Variants in FARP2 observed in about 807,000 individuals in gnomAD.
FARP2 encodes FERM, ARHGEF and pleckstrin domain-containing protein 2.
Under a neutral mutation model 130.5 loss-of-function variants are expected in FARP2, and 111 were observed. The observed-to-expected ratio is 0.85, with a 90% CI of 0.73 to 1.00. The LOEUF (loss-of-function observed/expected upper bound fraction) is 1.00, where lower values mean the gene tolerates loss of function less well. Among genes scored for constraint, FARP2 ranks in the 50% least tolerant of loss-of-function variants. The pLI is 0.00. For missense variants in FARP2, 1,385 were observed against 1,346.3 expected (o/e 1.03, Z -0.45); for synonymous variants, 504 against 516.9 (o/e 0.98, Z 0.34).
rs7608296 is a variant in FARP2, at chr2:241,407,117, T to C, written c.332-420T>C. Among the ~76,000 whole-genome samples, 11 of 152,366 alleles carry C rather than the reference T, an allele frequency of 7.2e-5. 1 individual carries two copies. Among genetic ancestry groups the C allele is most frequent in the African/African-American group, 2.6e-4 (11 of 41,584 alleles). ...GCCACCGCGCCCAGCCCTACTTGTT[T>C]TTAAGGCTTCCTTGAGTAATCCCTG... is the stretch of plus-strand genomic sequence containing the variant. On this transcript the variant is annotated intron_variant, in intron 4 of 26. Coordinates refer to ENST00000264042, the MANE Select transcript of FARP2 (RefSeq NM_014808.4).
chr2:241,484,809 A>G (rs986117020), intron 21 of FARP2, among the ~76,000 whole-genome samples: 6 of 152,184 alleles, frequency 3.9e-5, no homozygotes, highest in Admixed American at 3.9e-4. Flanking sequence ...TTTGTGTTCA[A>G]TAGAAATACT....
intron 2 of FARP2, among the ~76,000 whole-genome samples, chr2:241,394,433 G>A (rs1438551255): frequency 6.6e-6 from 1 of 151,562 alleles, no homozygotes; most frequent in Non-Finnish European, 1.5e-5. Context: ...CAGGAGAATG[G>A]CATGAATCCA....
At chr2:241,438,265 G>T (rs550817903) in intron 12 of FARP2, among the ~76,000 whole-genome samples, 1 of 152,138 alleles carries the variant, frequency 6.6e-6, no homozygotes, top group East Asian at 1.9e-4. Flanking sequence ...TATATTAAAG[G>T]TCATGTGAAC....
At chr2:241,466,189 G>A (rs1007426689) in intron 17 of FARP2, 47 of 985,258 alleles carry the variant, frequency 4.8e-5, no homozygotes, top group South Asian at 1.4e-4. Flanking sequence ...ACCCCCTCAC[G>A]GGGCATAAGG....
Position 241,494,094 on chromosome 2 carries a change from T to G in FARP2, c.3134T>G (p.Leu1045Arg). 2.0e-6 allele frequency: 3 copies of G among 1,470,982 alleles called. No individual in the cohort carries two copies. In the East Asian group the frequency reaches 8.1e-5, roughly 40 times the overall value. 91.1% of individuals were successfully genotyped at this position (1,470,982 alleles called of 1,614,324 possible). A position where few individuals can be genotyped will look rare whatever the true frequency, so the allele number is the denominator to read the frequency against. Residue 1045 changes from leucine to arginine, a missense_variant, in exon 27 of 27, where the codon CTG becomes CGG. Transcript: ENST00000264042. This position sits in a 1 kb window ranked among gnomAD's most constrained non-coding sequence, Gnocchi z 4.9. ...GATGGCCCCCAACCCTCCTCAGGGC[T>G]GGAGGGGATGGTCAGGGGGAAGGAG... ...VQDGPQPSSG[L>R]EGMVRGKEE
rs1484476213 is a variant in FARP2, at chr2:241,491,513, C to G, written c.2624-3C>G. The G allele has an allele frequency of 6.2e-7, 1 of 1,613,226 alleles. No homozygotes were observed. Among genetic ancestry groups the G allele is most frequent in the South Asian group, 1.1e-5 (1 of 91,072 alleles). On this transcript the variant is annotated splice_polypyrimidine_tract_variant and splice_region_variant and intron_variant, in intron 23 of 26. Transcript: ENST00000264042. ...CCCTGAGACGCTGCTGACTTCTCCC[C>G]AGGATCCCCCAACGAGGTATCTCTG...
In FARP2 at chr2:241,487,834, A is replaced by G. The variant is rs1192604125; in HGVS notation, c.2422-2128A>G. Reference sequence around the variant, plus strand: ...GCCATCTTGGCTCTCTGCAAGCTCCACCTCCCGGGTTCACGCCATTCTCCT... The same window carrying G: ...GCCATCTTGGCTCTCTGCAAGCTCCGCCTCCCGGGTTCACGCCATTCTCCT... On this transcript the variant is annotated intron_variant, in intron 21 of 26. Transcript: ENST00000264042. Among the ~76,000 whole-genome samples, 7 of 127,234 alleles carry G rather than the reference A, an allele frequency of 5.5e-5. No individual in the cohort carries two copies. The East Asian group carries it at 1.5e-3, about 26-fold the overall frequency. 83.5% of individuals were successfully genotyped at this position (127,234 alleles called of 152,430 possible).
chr2:241,362,400 A>G (rs1238690328), intron 1 of FARP2, among the ~76,000 whole-genome samples: 1 of 151,888 alleles, frequency 6.6e-6, no homozygotes, highest in Non-Finnish European at 1.5e-5. Flanking sequence ...TCAGGAGATC[A>G]AGGTCATCCT....
chr2:241,363,555 A>G (rs531451112), intron 1 of FARP2, among the ~76,000 whole-genome samples: 5 of 152,388 alleles, frequency 3.3e-5, no homozygotes, highest in South Asian at 2.1e-4. Flanking sequence ...TATAGGCTCA[A>G]CACTGAGCTA....
Position 241,430,999 on chromosome 2 carries a change from CA to C in FARP2, c.772-668del, listed in dbSNP as rs566980078. On this transcript the variant is annotated intron_variant, in intron 8 of 26. Transcript: ENST00000264042. Reference sequence around the variant, plus strand: ...TAGGTGATAGAGTGAGACTCTGTCTCAAAAAAAAAAAAGAAAAAAAGTGCAA... The same window carrying C: ...TAGGTGATAGAGTGAGACTCTGTCTCAAAAAAAAAAAGAAAAAAAGTGCAA... Among the ~76,000 whole-genome samples, 961 of 127,468 alleles carry C rather than the reference CA, an allele frequency of 7.5e-3. 12 individuals are homozygous for C. The highest frequency in any genetic ancestry group is 0.022 in the African/African-American group (758 of 34,456). The allele number at this position is 127,468 out of a possible 152,430, so 83.6% of individuals were successfully genotyped here.
chr2:241,384,963 CAT>C (rs1171385403), intron 2 of FARP2, among the ~76,000 whole-genome samples: 1 of 152,112 alleles, frequency 6.6e-6, no homozygotes, highest in African/African-American at 2.4e-5. Flanking sequence ...ATAATAGAAA[CAT>C]GTCCTAAATT....
chr2:241,493,179 G>A (rs2064993121), intron 25 of FARP2, 114 bp from the exon 26 acceptor site: 1 of 1,301,938 alleles, frequency 7.7e-7, no homozygotes, highest in Non-Finnish European at 1.1e-6. Context: ...AGGGAAACTG[G>A]CTCCCTTGGC....
chr2:241,493,928 G>A (rs2065030244), intron 26 of FARP2, 80 bp from the exon 27 acceptor site: 5 of 897,888 alleles, frequency 5.6e-6, no homozygotes, highest in South Asian at 2.9e-5. Flanking sequence ...TGTCCTGCTT[G>A]TCCCATATCC....
intron 22 of FARP2, 141 bp from the exon 23 acceptor site, chr2:241,490,920 G>A (rs1190201335): frequency 1.4e-6 from 1 of 702,984 alleles, no homozygotes; most frequent in African/African-American, 1.8e-5. Context: ...CGCTGGAGGG[G>A]ACACGTTTCC....
At position 241,492,660 on chromosome 2, in the gene FARP2, T is replaced by C. The variant is rs573037623; in HGVS notation, c.2788-269T>C. The C allele has an allele frequency of 2.4e-4, 93 of 391,866 alleles. No homozygotes were observed. The South Asian group carries it at 3.7e-3, about 16-fold the overall frequency. 24.3% of individuals were successfully genotyped at this position (391,866 alleles called of 1,614,324 possible). ...TCTCTCTTCTGGCTGTTGGATGGGTTTGTGGATGGTTGGTTACTGAACACT... is the reference window on the plus strand; with the variant it reads ...TCTCTCTTCTGGCTGTTGGATGGGTCTGTGGATGGTTGGTTACTGAACACT... On this transcript the variant is annotated intron_variant, in intron 24 of 26. Transcript: ENST00000264042.
intron 9 of FARP2, among the ~76,000 whole-genome samples, chr2:241,433,699 G>A (rs2063147782): frequency 6.6e-6 from 1 of 152,148 alleles, no homozygotes; most frequent in African/African-American, 2.4e-5. Flanking sequence ...TTAAGCAGAT[G>A]GAACCAGAAG....
chr2:241,491,534 C>A lies in FARP2; in HGVS notation c.2642C>A (p.Ser881Tyr). Reference sequence around the variant, plus strand: ...TCCCCAGGATCCCCCAACGAGGTATCTCTGGAGCAGGAGTCAGAAGATGAT... The same window carrying A: ...TCCCCAGGATCCCCCAACGAGGTATATCTGGAGCAGGAGTCAGAAGATGAT... ...TRPPRSPNEV[S>Y]LEQESEDDAR... The change falls in exon 24 of 27, where the codon TCT becomes TAT. Residue 881 changes from serine (S) to tyrosine (Y), a missense_variant. By Grantham distance (144) the Ser-to-Tyr change is moderately radical. Coordinates refer to ENST00000264042, the MANE Select transcript of FARP2 (RefSeq NM_014808.4). The A allele has an allele frequency of 6.2e-7, 1 of 1,613,600 alleles. No homozygotes were observed. Among genetic ancestry groups the A allele is most frequent in the South Asian group, 1.1e-5 (1 of 91,078 alleles).
chr2:241,422,737 C>A (rs1311952632), intron 8 of FARP2, among the ~76,000 whole-genome samples: 1 of 152,148 alleles, frequency 6.6e-6, no homozygotes, highest in Non-Finnish European at 1.5e-5. Flanking sequence ...GATAAAACAA[C>A]ACAGGAGCTT....
At chr2:241,447,526 T>G (rs1382111405) in intron 13 of FARP2, among the ~76,000 whole-genome samples, 1 of 152,168 alleles carries the variant, frequency 6.6e-6, no homozygotes, top group African/African-American at 2.4e-5. Context: ...ACTTTTACCG[T>G]GCACAGAACA....
Sources: allele counts gnomAD v4.1 joint callset (sites outside exome capture counted in the v4.1 genomes callset), GRCh38; gene constraint gnomAD v4.1.1; non-coding constraint Gnocchi (gnomAD v3.1); transcripts MANE v1.5; gene names NCBI Gene and HGNC (gene_info 2026-07-23, HGNC 2026-07-21).